The following SYNPO variants were observed in gnomAD, a reference collection of about 807,000 sequenced individuals.
SYNPO encodes the protein synaptopodin.
A neutral mutation model predicts 49.5 loss-of-function variants in SYNPO; 19 were observed. The ratio of observed to expected loss-of-function variants is 0.38; its 90% CI spans 0.27 to 0.56. The LOEUF (loss-of-function observed/expected upper bound fraction) is 0.56, where lower values mean the gene tolerates loss of function less well. Ranked by LOEUF, SYNPO falls within the 20% of genes least tolerant of loss-of-function variation. The pLI is 0.68. For synonymous variants in SYNPO, 536 were observed against 548.0 expected, an observed-to-expected ratio of 0.98 and a Z score of 0.31; for missense variants, 1,131 against 1,248.3, an observed-to-expected ratio of 0.91 and a Z score of 1.42.
intron 2 of SYNPO, among the ~76,000 whole-genome samples, chr5:150,620,801 C>T (rs1257598710): frequency 6.6e-6 from 1 of 152,196 alleles, no homozygotes; most frequent in Non-Finnish European, 1.5e-5. Flanking sequence ...AAGTCCCCTA[C>T]CCAAGGTCAC....
chr5:150,642,650 G>A (rs1277399643), intron 1 of SYNPO, among the ~76,000 whole-genome samples: 1 of 152,114 alleles, frequency 6.6e-6, no homozygotes, highest in African/African-American at 2.4e-5. Context: ...AGGGACTCTA[G>A]GGTGTCCCCC....
At chr5:150,599,166 T>C (rs116435396), upstream of SYNPO, among the ~76,000 whole-genome samples, 1 of 152,244 alleles carries the variant, frequency 6.6e-6, no homozygotes, top group Non-Finnish European at 1.5e-5. Context: ...GAAATCACCA[T>C]GTACCGGGCG....
At chr5:150,637,316 G>C (rs1382540215), upstream of SYNPO, among the ~76,000 whole-genome samples, 1 of 152,144 alleles carries the variant, frequency 6.6e-6, no homozygotes, top group Non-Finnish European at 1.5e-5. Context: ...CTTTCTTTTT[G>C]AGGCTCAGTT....
chr5:150,646,906 C>T (rs1325027760), intron 1 of SYNPO, among the ~76,000 whole-genome samples: 1 of 152,176 alleles, frequency 6.6e-6, no homozygotes, highest in East Asian at 1.9e-4. Context: ...CCGAGTGCCA[C>T]TGTATGACAG....
chr5:150,633,162 C>T (rs1757597219), intron 2 of SYNPO, among the ~76,000 whole-genome samples: 1 of 152,198 alleles, frequency 6.6e-6, no homozygotes, highest in South Asian at 2.1e-4. Context: ...AGGGTTCCTG[C>T]CTTCCAGGAG....
intron 1 of SYNPO, chr5:150,615,245 TC>T (rs899111409): frequency 2.0e-5 from 3 of 152,214 alleles, no homozygotes; most frequent in Non-Finnish European, 4.4e-5. Flanking sequence ...TGCCAACTCC[TC>T]CCTCCTGGCT....
chr5:150,614,136 C>T (rs193092233), intron 1 of SYNPO, among the ~76,000 whole-genome samples: 124 of 152,324 alleles, frequency 8.1e-4, no homozygotes, highest in African/African-American at 2.8e-3. Context: ...CTCTATTAAT[C>T]CCTACAAACA....
chr5:150,612,771 GTTC>G (rs1032804403), intron 1 of SYNPO, among the ~76,000 whole-genome samples: 2 of 152,072 alleles, frequency 1.3e-5, no homozygotes, highest in African/African-American at 4.8e-5. Context: ...TTTGTGTTTT[GTTC>G]TTCTTTTCTT....
intron 1 of SYNPO, among the ~76,000 whole-genome samples, chr5:150,602,866 A>G (rs1269235590): frequency 6.6e-6 from 1 of 152,050 alleles, no homozygotes; most frequent in Non-Finnish European, 1.5e-5. Flanking sequence ...AATGTTCCTA[A>G]GAGCGTTGGT....
At chr5:150,602,806 G>T (rs1040702057) in intron 1 of SYNPO, among the ~76,000 whole-genome samples, 1 of 152,014 alleles carries the variant, frequency 6.6e-6, no homozygotes. Flanking sequence ...TTCCCAGCGC[G>T]CTGGGATTAC....
chr5:150,650,961 G>A (rs961014678), intron 2 of SYNPO: 27 of 1,254,208 alleles, frequency 2.2e-5, no homozygotes, highest in African/African-American at 1.9e-4. Context: ...TGCTGGCTGC[G>A]GACTCGGCCC....
upstream of SYNPO, among the ~76,000 whole-genome samples, chr5:150,639,081 A>C (rs1014890136): frequency 6.6e-6 from 1 of 152,158 alleles, no homozygotes; most frequent in African/African-American, 2.4e-5. Context: ...CTGATTATAG[A>C]TTAATAATTA....
At chr5:150,586,692 C>A in the SYNPO span, among the ~76,000 whole-genome samples, 2 of 152,152 alleles carry the variant, frequency 1.3e-5, no homozygotes, top group Non-Finnish European at 2.9e-5. Flanking sequence ...CTTCTAACTG[C>A]AAGCCCTGAA....
intron 1 of SYNPO, among the ~76,000 whole-genome samples, chr5:150,601,685 C>T (rs1756546946): frequency 6.6e-6 from 1 of 152,184 alleles, no homozygotes; most frequent in South Asian, 2.1e-4. Context: ...ACACTCCTAC[C>T]TGTCACCCAG....
chr5:150,641,915 T>C (rs769067627), intron 1 of SYNPO, among the ~76,000 whole-genome samples: 3 of 152,238 alleles, frequency 2.0e-5, no homozygotes, highest in Non-Finnish European at 2.9e-5. Context: ...CTGGAGCCTC[T>C]CTTGTTTCTC....
chr5:150,612,657 T>C (rs1446521254), intron 1 of SYNPO, among the ~76,000 whole-genome samples: 1 of 152,204 alleles, frequency 6.6e-6, no homozygotes, highest in Non-Finnish European at 1.5e-5. Flanking sequence ...ACCTTCCTTA[T>C]AGGGTGTGAT....
chr5:150,627,634 G>A (rs1316184744), intron 2 of SYNPO, among the ~76,000 whole-genome samples: 1 of 152,208 alleles, frequency 6.6e-6, no homozygotes, highest in Non-Finnish European at 1.5e-5. Context: ...CTGTTAAGAT[G>A]GAGAGCAGTT....
intron 2 of SYNPO, among the ~76,000 whole-genome samples, chr5:150,629,174 G>A (rs952048854): frequency 3.3e-5 from 5 of 151,930 alleles, no homozygotes; most frequent in Admixed American, 6.6e-5. Flanking sequence ...CACCGTGCCC[G>A]GCTAATTTTT....
chr5:150,628,680 A>AG (rs1315504804), intron 2 of SYNPO, among the ~76,000 whole-genome samples: 1 of 152,208 alleles, frequency 6.6e-6, no homozygotes, highest in Admixed American at 6.5e-5. Context: ...AGGCCAAGGC[A>AG]GGGGGATCAC....
Sources: allele counts gnomAD v4.1 joint callset (sites outside exome capture counted in the v4.1 genomes callset), GRCh38; gene constraint gnomAD v4.1.1; transcripts MANE v1.5; gene names NCBI Gene and HGNC (gene_info 2026-07-23, HGNC 2026-07-21).